The following FHIT variants were observed in gnomAD, a reference collection of about 807,000 sequenced individuals.
The protein encoded by FHIT is fragile histidine triad diadenosine triphosphatase, also known as bis(5'-adenosyl)-triphosphatase.
In FHIT, 19 loss-of-function variants were observed where a neutral mutation model predicts 17.9. The ratio of observed to expected loss-of-function variants is 1.06; its 90% confidence interval spans 0.74 to 1.56. FHIT has a LOEUF of 1.56. FHIT is among the 40% of genes most tolerant of loss of function. FHIT has a pLI of 0.00. For synonymous variants in FHIT, 81 were observed against 69.7 expected (o/e 1.16, Z -0.81); for missense variants, 248 against 189.2 (o/e 1.31, Z -1.82).
intron 5 of FHIT, among the ~76,000 whole-genome samples, chr3:60,534,386 T>A (rs568725349): frequency 2.4e-5 from 3 of 125,876 alleles, no homozygotes; most frequent in East Asian, 5.3e-4. Context: ...TGAGCCGAGA[T>A]TGCGCCACTG....
intron 5 of FHIT, among the ~76,000 whole-genome samples, chr3:60,455,652 T>TA (rs2032043230): frequency 6.6e-6 from 1 of 152,142 alleles, no homozygotes. Context: ...TATAATATAC[T>TA]AGATGCCCTT....
intron 8 of FHIT, among the ~76,000 whole-genome samples, chr3:59,807,429 T>C (rs558242718): frequency 6.6e-6 from 1 of 152,234 alleles, no homozygotes; most frequent in East Asian, 1.9e-4. Flanking sequence ...AGCTATGTGG[T>C]GGGTTAGAAG....
chr3:60,950,008 G>A (rs72873022), intron 3 of FHIT, among the ~76,000 whole-genome samples: 1,679 of 152,282 alleles, frequency 0.011, 26 homozygotes, highest in African/African-American at 0.037. Flanking sequence ...GATCCCATAA[G>A]ATTATAATGG....
intron 7 of FHIT, among the ~76,000 whole-genome samples, chr3:59,997,688 T>A (rs760413906): frequency 3.3e-5 from 5 of 152,158 alleles, no homozygotes; most frequent in Non-Finnish European, 7.4e-5. Context: ...TATCACAAAT[T>A]ACATGCTTAC....
At chr3:60,195,220 C>T (rs1277468664) in intron 5 of FHIT, among the ~76,000 whole-genome samples, 1 of 151,784 alleles carries the variant, frequency 6.6e-6, no homozygotes, top group Non-Finnish European at 1.5e-5. Context: ...CCATTTTACC[C>T]CCTCCAGAAT....
chr3:60,380,688 CT>C, intron 5 of FHIT, among the ~76,000 whole-genome samples: 1 of 152,268 alleles, frequency 6.6e-6, no homozygotes. Context: ...TATTTTCCAT[CT>C]TTTCAGACCT....
At chr3:61,017,456 C>T (rs1239231966) in intron 3 of FHIT, among the ~76,000 whole-genome samples, 1 of 152,134 alleles carries the variant, frequency 6.6e-6, no homozygotes, top group African/African-American at 2.4e-5. Context: ...ATTTAAGAAC[C>T]ATGAAGGCTG....
chr3:60,216,295 A>G (rs1395683130), intron 5 of FHIT, among the ~76,000 whole-genome samples: 1 of 152,220 alleles, frequency 6.6e-6, no homozygotes, highest in East Asian at 1.9e-4. Context: ...ACAGTCTAGG[A>G]CAGCTGCATG....
In FHIT at chr3:60,900,940, G is replaced by A. The variant is rs113933440; in HGVS notation, c.-110-78929C>T. Among the ~76,000 whole-genome samples the A allele has an allele frequency of 4.8e-4, 73 of 152,148 alleles. 2 individuals carry two copies. Among genetic ancestry groups the A allele is most frequent in the Middle Eastern group, 3.4e-3 (1 of 292 alleles). ...CTACAGGTGCATGCCACCACGCTCG[G>A]CTAATATTTGTATTTTTAGTAGAGA... is the stretch of plus-strand genomic sequence containing the variant. On this transcript the variant is annotated intron_variant, in intron 3 of 9. Transcript: ENST00000492590.
At chr3:59,822,594 T>C (rs1160061834) in intron 8 of FHIT, among the ~76,000 whole-genome samples, 3 of 152,218 alleles carry the variant, frequency 2.0e-5, no homozygotes, top group African/African-American at 4.8e-5. Context: ...CATTTGTACA[T>C]TGTCTGTTGA....
At chr3:59,853,944 T>C (rs930144303) in intron 8 of FHIT, among the ~76,000 whole-genome samples, 13 of 152,102 alleles carry the variant, frequency 8.5e-5, no homozygotes, top group African/African-American at 3.1e-4. Context: ...CTGCTACAAT[T>C]AGAATCCCAC....
intron 2 of FHIT, among the ~76,000 whole-genome samples, chr3:61,151,144 T>C (rs1437195371): frequency 1.3e-5 from 2 of 152,260 alleles, no homozygotes; most frequent in East Asian, 3.8e-4. Flanking sequence ...GCTTCTTATA[T>C]TACTGCTTCT....
At chr3:60,668,166 A>G (rs2040423987) in intron 4 of FHIT, among the ~76,000 whole-genome samples, 1 of 151,742 alleles carries the variant, frequency 6.6e-6, no homozygotes, top group African/African-American at 2.4e-5. Context: ...CTTCCCTGAC[A>G]GTATTATTTG....
intron 2 of FHIT, among the ~76,000 whole-genome samples, chr3:61,167,256 A>G (rs2037866523): frequency 6.6e-6 from 1 of 151,640 alleles, no homozygotes; most frequent in Non-Finnish European, 1.5e-5. Context: ...ATTTAATATA[A>G]ATATAAAAGT....
chr3:60,521,375 G>T (rs1351171052), intron 5 of FHIT, among the ~76,000 whole-genome samples: 2 of 152,070 alleles, frequency 1.3e-5, no homozygotes, highest in African/African-American at 4.8e-5. Context: ...AACCTCCCGA[G>T]TAGCTGGGAC....
chr3:60,494,493 T>C (rs543912437), intron 5 of FHIT, among the ~76,000 whole-genome samples: 1 of 152,300 alleles, frequency 6.6e-6, no homozygotes, highest in Admixed American at 6.5e-5. Flanking sequence ...CTCTTAGTTA[T>C]TTCAAAATGT....
At chr3:60,354,934 C>A (rs1015659136) in intron 5 of FHIT, among the ~76,000 whole-genome samples, 2 of 152,166 alleles carry the variant, frequency 1.3e-5, no homozygotes, top group Non-Finnish European at 2.9e-5. Context: ...TCTGTGACTA[C>A]TTATCCTTAA....
intron 4 of FHIT, among the ~76,000 whole-genome samples, chr3:60,661,758 GGTA>G (rs2040252371): frequency 6.6e-6 from 1 of 152,134 alleles, no homozygotes; most frequent in Non-Finnish European, 1.5e-5. Flanking sequence ...GCAGCTGTAA[GGTA>G]GTATTACATT....
chr3:60,354,446 G>C (rs1699557812), intron 5 of FHIT, among the ~76,000 whole-genome samples: 1 of 152,062 alleles, frequency 6.6e-6, no homozygotes. Flanking sequence ...CTTAGGTTCT[G>C]ATATAAGATG....
Sources: allele counts gnomAD v4.1 joint callset (sites outside exome capture counted in the v4.1 genomes callset), GRCh38; gene constraint gnomAD v4.1.1; transcripts MANE v1.5; gene names NCBI Gene and HGNC (gene_info 2026-07-23, HGNC 2026-07-21).